MEGF6: variants seen among roughly 807,000 people sequenced by gnomAD.
MEGF6 encodes multiple epidermal growth factor-like domains protein 6.
In MEGF6, 184 loss-of-function variants were observed where a neutral mutation model predicts 207.1. The observed-to-expected ratio is 0.89, with a 90% confidence interval of 0.79 to 1.00. MEGF6 has a LOEUF of 1.00. MEGF6 is among the 50% of genes least tolerant of loss of function. The pLI, the probability that MEGF6 is intolerant of heterozygous loss-of-function variation, is 0.00. For synonymous variants in MEGF6, 1,038 were observed against 910.0 expected (o/e 1.14, Z -2.53); for missense variants, 2,282 against 2,202.9 (o/e 1.04, Z -0.72).
intron 34 of MEGF6, 110 bp downstream of exon 34, chr1:3,493,661 A>C: frequency 2.1e-6 from 3 of 1,426,108 alleles, no homozygotes; most frequent in Non-Finnish European, 2.8e-6. Context: ...AGGCAACAAG[A>C]GGGGTTGGTG....
intron 32 of MEGF6, 22 bp from the exon 33 acceptor site, chr1:3,494,146 G>A (rs989453818): frequency 2.7e-5 from 42 of 1,537,364 alleles, no homozygotes; most frequent in Non-Finnish European, 3.5e-5. Flanking sequence ...CGGTTACCAC[G>A]AGACAAGGGC....
In MEGF6 at chr1:3,505,443, G is replaced by C; in HGVS notation, c.2032C>G (p.Arg678Gly). ...TCACCTGCCTGACAGCGCTCGCCCC[G>C]GAAGCCAGCCTTGCAGGAGCAGCTG... is the stretch of plus-strand genomic sequence containing the variant. ...DGSCSCKAGFRGERCQAECEL... is the reference protein window; with the variant it reads ...DGSCSCKAGFGGERCQAECEL... The change falls in exon 16 of 37, where the codon CGG (arginine) becomes GGG (glycine). Residue 678 changes from arginine (R) to glycine (G), a missense_variant. Transcript: ENST00000356575. The C allele has an allele frequency of 6.3e-7, 1 of 1,588,888 alleles. No individual in the cohort carries two copies. Among genetic ancestry groups the C allele is most frequent in the Non-Finnish European group, 8.6e-7 (1 of 1,168,474 alleles).
At chr1:3,520,980 T>A (rs1641725698) in intron 5 of MEGF6, among the ~76,000 whole-genome samples, 1 of 152,154 alleles carries the variant, frequency 6.6e-6, no homozygotes, top group South Asian at 2.1e-4. Flanking sequence ...AAGGGTGGAT[T>A]TTTAGGCAGC....
intron 3 of MEGF6, among the ~76,000 whole-genome samples, chr1:3,592,756 C>T (rs1270665827): frequency 3.9e-5 from 6 of 152,112 alleles, no homozygotes; most frequent in Non-Finnish European, 7.3e-5. Flanking sequence ...GAACAGGGAG[C>T]GGCCAGAGAA....
At chr1:3,519,120 C>A (rs1007751688) in intron 5 of MEGF6, among the ~76,000 whole-genome samples, 1 of 152,214 alleles carries the variant, frequency 6.6e-6, no homozygotes, top group Non-Finnish European at 1.5e-5. Flanking sequence ...CTTCCATGGA[C>A]CAGGCTAAGC....
At chr1:3,490,783 T>C in intron 36 of MEGF6, 129 bp downstream of exon 36, 1 of 1,312,238 alleles carries the variant, frequency 7.6e-7, no homozygotes, top group Non-Finnish European at 1.1e-6. Flanking sequence ...GAGCTCCAGA[T>C]TCCTGGGGCC....
rs1448292520 is a variant in MEGF6 at position 3,496,890 on chromosome 1, C to T, written c.3613+98G>A. On this transcript the variant is annotated intron_variant, in intron 28 of 36. Transcript: ENST00000356575. The stretch of plus-strand genomic sequence containing the variant: ...AGACCCCCACACCCTCCATCTTCCA[C>T]CCCCTCAGATGAGGGCCTTCCCGGG... The T allele has an allele frequency of 5.3e-6, 8 of 1,505,552 alleles. No homozygotes were observed. In the African/African-American group the frequency reaches 8.4e-5, roughly 16 times the overall value. 93.3% of individuals were successfully genotyped at this position (1,505,552 alleles called of 1,614,324 possible). A position where few individuals can be genotyped will look rare whatever the true frequency, so the allele number is the denominator to read the frequency against.
chr1:3,589,517 G>C (rs1643943458), intron 3 of MEGF6, among the ~76,000 whole-genome samples: 1 of 152,138 alleles, frequency 6.6e-6, no homozygotes, highest in South Asian at 2.1e-4. Context: ...GGACAGAGGA[G>C]CCTTCCTGGA....
rs773889605 is a variant in MEGF6 at position 3,501,009 on chromosome 1, G to C, written c.2532C>G (p.His844Gln). The C allele has an allele frequency of 2.5e-6, 4 of 1,612,562 alleles. No homozygotes were observed. In the Admixed American group the frequency reaches 5.0e-5, roughly 20 times the overall value. ...CGGTCCACCCGGGGGCACAGCTGCA[G>C]TGTCCGGTGGCTGGGTGGCAGTGCC... ...NDGHCHPATG[H>Q]CSCAPGWTGF... is the part of the protein sequence containing the mutation. Residue 844 changes from histidine to glutamine, a missense_variant, in exon 20 of 37, where the codon CAC becomes CAG. Transcript: ENST00000356575.
Position 3,595,322 on chromosome 1 carries a change from C to T in MEGF6, c.376+16G>A, listed in dbSNP as rs367744416. 80 of 1,588,202 alleles carry T rather than the reference C, an allele frequency of 5.0e-5. No homozygotes were observed. Among genetic ancestry groups the T allele is most frequent in the East Asian group, 2.5e-4 (11 of 44,666 alleles). The stretch of plus-strand genomic sequence containing the variant: ...TGGAGGTGGAGGGAGGGCGGGGAGG[C>T]GCAGGCGGCACTCACCCGAGAGGCA... On this transcript the variant is annotated intron_variant, in intron 3 of 36. Coordinates refer to ENST00000356575, the MANE Select transcript of MEGF6 (RefSeq NM_001409.4).
intron 4 of MEGF6, among the ~76,000 whole-genome samples, chr1:3,545,670 T>C (rs1642678512): frequency 6.6e-6 from 1 of 152,148 alleles, no homozygotes; most frequent in African/African-American, 2.4e-5. Flanking sequence ...GTGGAGCCCC[T>C]TTCACAGAAA....
intron 4 of MEGF6, among the ~76,000 whole-genome samples, chr1:3,555,163 C>T (rs1390588990): frequency 1.5e-5 from 2 of 137,774 alleles, no homozygotes; most frequent in Non-Finnish European, 1.6e-5. Flanking sequence ...TCCCCACCAC[C>T]CACCCACCCA....
In MEGF6 at chr1:3,499,241, G is replaced by A; in HGVS notation, c.2991C>T (p.His997=). ...AGCAGGCACAGGCCTGGCTGCAATT[G>A]TGCCCGTAGGTGTGGGCTGGGCAGG... is the stretch of plus-strand genomic sequence containing the variant. ...AETCPAHTYG[H]NCSQACACFN... Residue 997 remains histidine, a synonymous_variant, in exon 24 of 37, where the codon CAC becomes CAT. Transcript: ENST00000356575. The A allele has an allele frequency of 1.2e-6, 2 of 1,605,982 alleles. No homozygotes were observed. Among genetic ancestry groups the A allele is most frequent in the South Asian group, 1.1e-5 (1 of 89,542 alleles).
chr1:3,587,095 A>G (rs1643903622), intron 3 of MEGF6, among the ~76,000 whole-genome samples: 1 of 151,946 alleles, frequency 6.6e-6, no homozygotes, highest in Non-Finnish European at 1.5e-5. Context: ...GTCAGACTCT[A>G]TTTCATATCT....
chr1:3,609,314 C>A lies in MEGF6; in HGVS notation c.131+1824G>T, dbSNP rs1223257779. On this transcript the variant is annotated intron_variant, in intron 1 of 36. Transcript: ENST00000356575. ...GCCCAGTGGGGACCTCTCCAGGGTC[C>A]AGCGCAGGGTCCCCGCACTCACTCA... 2.6e-5 allele frequency among the ~76,000 whole-genome samples: 4 copies of A among 152,328 alleles called. No homozygotes were observed. In the East Asian group the frequency reaches 7.7e-4, roughly 29 times the overall value.
chr1:3,578,225 G>C (rs1370887219), intron 4 of MEGF6, among the ~76,000 whole-genome samples: 2 of 152,206 alleles, frequency 1.3e-5, no homozygotes, highest in Non-Finnish European at 2.9e-5. Flanking sequence ...CCCCGTCCCG[G>C]AAACCTCCCC....
At chr1:3,542,174 T>C (rs911270221) in intron 4 of MEGF6, among the ~76,000 whole-genome samples, 25 of 152,204 alleles carry the variant, frequency 1.6e-4, no homozygotes, top group Non-Finnish European at 2.9e-4. Context: ...GTGTCGGGGC[T>C]GAATCCAGCC....
intron 2 of MEGF6, among the ~76,000 whole-genome samples, chr1:3,598,217 G>C (rs1644099791): frequency 6.6e-6 from 1 of 152,188 alleles, no homozygotes; most frequent in Non-Finnish European, 1.5e-5. Context: ...CCGTCTCTGG[G>C]TAACAAAACA....
intron 3 of MEGF6, among the ~76,000 whole-genome samples, chr1:3,591,668 G>T (rs1643980629): frequency 6.7e-6 from 1 of 149,338 alleles, no homozygotes. Context: ...GGGACCTGAT[G>T]GGGGCGCCAG....
Sources: allele counts gnomAD v4.1 joint callset (sites outside exome capture counted in the v4.1 genomes callset), GRCh38; gene constraint gnomAD v4.1.1; transcripts MANE v1.5; gene names NCBI Gene and HGNC (gene_info 2026-07-23, HGNC 2026-07-21).